TRMT11: variants seen among roughly 807,000 people sequenced by gnomAD.
TRMT11 encodes tRNA (guanine(10)-N(2))-methyltransferase TRMT11.
TRMT11 carries 53 observed loss-of-function variants against 62.8 expected under a neutral mutation model. The observed-to-expected ratio is 0.84, with a 90% CI of 0.68 to 1.06. The LOEUF is 1.06. TRMT11 is among the 50% of genes least tolerant of loss of function. The probability of loss-of-function intolerance (pLI) is 0.00; values close to 1 mark genes in which losing one functional copy is unlikely to be tolerated. For synonymous variants in TRMT11, 188 were observed against 190.3 expected (o/e 0.99, Z 0.10); for missense variants, 556 against 553.4 (o/e 1.00, Z -0.05).
At chr6:126,262,475 T>C in the TRMT11 span, among the ~76,000 whole-genome samples, 1 of 152,120 alleles carries the variant, frequency 6.6e-6, no homozygotes, top group African/African-American at 2.4e-5. Context: ...CATGTGAATG[T>C]GACAGAATGA....
intron 17 of TRMT11, among the ~76,000 whole-genome samples, chr6:126,068,933 A>T (rs927038909): frequency 2.6e-5 from 4 of 152,226 alleles, no homozygotes; most frequent in African/African-American, 9.6e-5. Flanking sequence ...CTGTAACAGA[A>T]GTCTGGCATT....
intron 8 of TRMT11, 101 bp downstream of exon 8, chr6:126,008,573 A>T: frequency 1.0e-6 from 1 of 965,918 alleles, no homozygotes; most frequent in Non-Finnish European, 1.7e-6. Context: ...TGAATTGCAC[A>T]GGTCCACTTA....
chr6:126,268,166 A>G, the TRMT11 span, among the ~76,000 whole-genome samples: 3 of 152,140 alleles, frequency 2.0e-5, no homozygotes, highest in African/African-American at 7.2e-5. Context: ...CCCTTCAACC[A>G]CAGATTTTGG....
At chr6:126,175,887 T>G (rs564913417), upstream of TRMT11, among the ~76,000 whole-genome samples, 5 of 152,344 alleles carry the variant, frequency 3.3e-5, no homozygotes, top group African/African-American at 1.2e-4. Context: ...TGAAAATGAT[T>G]TAACTATAGA....
intron 3 of TRMT11, among the ~76,000 whole-genome samples, chr6:125,997,602 G>A (rs1318775458): frequency 6.6e-6 from 1 of 152,198 alleles, no homozygotes; most frequent in Non-Finnish European, 1.5e-5. Context: ...CAAGTTCCAG[G>A]GCTCAGGTGA....
chr6:126,170,015 C>T (rs62427027), intron 21 of TRMT11, among the ~76,000 whole-genome samples: 7,054 of 151,982 alleles, frequency 0.046, 233 homozygotes, highest in Non-Finnish European at 0.074. Context: ...GGAATCCTCC[C>T]GTCTCATTAG....
intron 3 of TRMT11, 46 bp from the exon 4 acceptor site, chr6:125,998,007 G>C: frequency 7.6e-7 from 1 of 1,319,168 alleles, no homozygotes; most frequent in South Asian, 1.2e-5. Context: ...ATTCCTGTGT[G>C]AACTAAGTTC....
At chr6:126,071,488 C>T in intron 17 of TRMT11, among the ~76,000 whole-genome samples, 1 of 151,444 alleles carries the variant, frequency 6.6e-6, no homozygotes, top group East Asian at 1.9e-4. Flanking sequence ...AAAAGCAAAG[C>T]AAAAACAAAA....
At chr6:126,125,538 G>A (rs1266959601) in intron 21 of TRMT11, among the ~76,000 whole-genome samples, 3 of 151,856 alleles carry the variant, frequency 2.0e-5, no homozygotes, top group Non-Finnish European at 4.4e-5. Context: ...TTTATTTCAT[G>A]GATATTTATC....
At chr6:125,990,473 G>C (rs1013492604) in intron 1 of TRMT11, among the ~76,000 whole-genome samples, 1 of 151,724 alleles carries the variant, frequency 6.6e-6, no homozygotes, top group African/African-American at 2.4e-5. Context: ...CCTTTCTATC[G>C]GGCACTCAGA....
chr6:126,044,420 G>C (rs988037883), intron 16 of TRMT11, among the ~76,000 whole-genome samples: 1 of 152,162 alleles, frequency 6.6e-6, no homozygotes, highest in African/African-American at 2.4e-5. Flanking sequence ...CTATATCTCT[G>C]TTTTGGTACC....
intron 17 of TRMT11, among the ~76,000 whole-genome samples, chr6:126,079,309 C>A (rs1252675426): frequency 6.6e-6 from 1 of 152,020 alleles, no homozygotes; most frequent in Non-Finnish European, 1.5e-5. Context: ...AATTTAACAC[C>A]ATGCTCTTGT....
At chr6:126,215,686 G>T in the TRMT11 span, among the ~76,000 whole-genome samples, 15 of 151,662 alleles carry the variant, frequency 9.9e-5, no homozygotes, top group Non-Finnish European at 1.9e-4. Flanking sequence ...CATTAGTGAA[G>T]GTGATTTTCT....
At chr6:126,163,241 C>G (rs1049494745) in intron 21 of TRMT11, among the ~76,000 whole-genome samples, 81 of 152,102 alleles carry the variant, frequency 5.3e-4, no homozygotes, top group African/African-American at 1.9e-3. Flanking sequence ...CCATCAATAC[C>G]TTGTTTATTG....
At chr6:126,126,000 T>G (rs1777714568) in intron 21 of TRMT11, among the ~76,000 whole-genome samples, 1 of 152,150 alleles carries the variant, frequency 6.6e-6, no homozygotes, top group East Asian at 1.9e-4. Context: ...TACATGATAT[T>G]AAGCAGAACT....
At chr6:126,257,511 G>T in the TRMT11 span, among the ~76,000 whole-genome samples, 1 of 152,080 alleles carries the variant, frequency 6.6e-6, no homozygotes, top group South Asian at 2.1e-4. Flanking sequence ...CATAAATCTG[G>T]CCTGATAAAA....
chr6:126,204,436 T>G (rs1325712542), downstream of TRMT11, among the ~76,000 whole-genome samples: 1 of 152,228 alleles, frequency 6.6e-6, no homozygotes, highest in Non-Finnish European at 1.5e-5. Context: ...AGAGAAGGTA[T>G]TGTATATACT....
intron 12 of TRMT11, among the ~76,000 whole-genome samples, chr6:126,034,586 G>A (rs1014962461): frequency 6.1e-4 from 93 of 152,150 alleles, no homozygotes; most frequent in African/African-American, 2.2e-3. Flanking sequence ...AAGAAATTTG[G>A]AAATTGTAGT....
chr6:126,057,179 G>A (rs1483260780), intron 17 of TRMT11, among the ~76,000 whole-genome samples: 8 of 152,200 alleles, frequency 5.3e-5, no homozygotes, highest in Non-Finnish European at 7.3e-5. Context: ...CTGGGAGAGA[G>A]TTCAAGGTTG....
Sources: allele counts gnomAD v4.1 joint callset (sites outside exome capture counted in the v4.1 genomes callset), GRCh38; gene constraint gnomAD v4.1.1; transcripts MANE v1.5; gene names NCBI Gene and HGNC (gene_info 2026-07-23, HGNC 2026-07-21).